SLC35D1: variants seen among roughly 807,000 people sequenced by gnomAD.
The protein encoded by SLC35D1 is nucleotide sugar transporter SLC35D1.
Under a neutral mutation model 46.7 loss-of-function variants are expected in SLC35D1, and 31 were observed. The ratio of observed to expected loss-of-function variants is 0.66; its 90% CI spans 0.50 to 0.90. SLC35D1 has a LOEUF of 0.90. Among genes scored for constraint, SLC35D1 ranks in the 40% least tolerant of loss-of-function variants. The pLI is 0.00. For synonymous variants in SLC35D1, 195 were observed against 164.6 expected (o/e 1.18, Z -1.41); for missense variants, 397 against 426.2 (o/e 0.93, Z 0.60).
intron 10 of SLC35D1, among the ~76,000 whole-genome samples, chr1:67,013,157 G>GATAGATATATATATATATATATAT (rs1553264879): frequency 3.4e-5 from 1 of 29,834 alleles, no homozygotes; most frequent in African/African-American, 1.8e-4. Context: ...ATATCCTGGA[G>GATAGATATATATATATATATATAT]ATATATATAT....
At chr1:67,011,768 A>G (rs973063320) in intron 10 of SLC35D1, among the ~76,000 whole-genome samples, 2 of 152,166 alleles carry the variant, frequency 1.3e-5, no homozygotes, top group Non-Finnish European at 2.9e-5. Flanking sequence ...ATAGGAGTTC[A>G]GCCACCACAC....
At chr1:67,023,047 A>T (rs1667844576) in intron 8 of SLC35D1, among the ~76,000 whole-genome samples, 1 of 152,186 alleles carries the variant, frequency 6.6e-6, no homozygotes, top group Non-Finnish European at 1.5e-5. Context: ...ATTCTATCTT[A>T]TGGGTATACC....
intron 10 of SLC35D1, among the ~76,000 whole-genome samples, chr1:67,010,601 T>C (rs1287327495): frequency 6.6e-6 from 1 of 152,310 alleles, no homozygotes; most frequent in South Asian, 2.1e-4. Flanking sequence ...AGGTCCCAAA[T>C]ACTTGGGACC....
intron 8 of SLC35D1, among the ~76,000 whole-genome samples, chr1:67,029,564 C>T (rs1012726990): frequency 6.6e-6 from 1 of 152,198 alleles, no homozygotes; most frequent in Non-Finnish European, 1.5e-5. Flanking sequence ...GAGTTCCATG[C>T]ACTTAGAAGT....
chr1:67,050,451 G>A lies in SLC35D1; in HGVS notation c.446C>T (p.Ala149Val). The A allele has an allele frequency of 6.2e-7, 1 of 1,612,994 alleles. No individual in the cohort carries two copies. The highest frequency in any genetic ancestry group is 1.1e-5 in the South Asian group (1 of 90,998). ...RRFSILFTMF[A>V]EGVLLKKTFS... The stretch of plus-strand genomic sequence containing the variant: ...AGCTCACTTGAGTAAAACTCCTTCA[G>A]CAAACATTGTAAACAGGATGGAGAA... Residue 149 changes from alanine to valine, a missense_variant, in exon 5 of 12, where the codon GCT (alanine) becomes GTT (valine). Transcript: ENST00000235345.
chr1:67,036,549 A>G (rs1489756348), intron 8 of SLC35D1, among the ~76,000 whole-genome samples: 7 of 151,914 alleles, frequency 4.6e-5, no homozygotes, highest in Admixed American at 1.3e-4. Flanking sequence ...TGTGTCTTAC[A>G]GTTTTTATCT....
At chr1:67,008,497 G>T (rs1326306950) in intron 11 of SLC35D1, 1 of 1,278,842 alleles carries the variant, frequency 7.8e-7, no homozygotes, top group Admixed American at 2.3e-5. Context: ...TGAGACAGGG[G>T]CCTTGTTAGA....
rs1424885087 is a variant in SLC35D1 at position 67,000,278 on chromosome 1, CCTT to C, written c.*4059_*4061del. On this transcript the variant is annotated 3_prime_UTR_variant, in exon 12 of 12. Transcript: ENST00000235345. ...CAGCCTGGCTGGCGACAGAGCAAGA[CCTT>C]CTTTCTTTTTTTTTTTTTTTTTTAA... The C allele has an allele frequency of 1.3e-5, 2 of 149,340 alleles. No homozygotes were observed. The highest frequency in any genetic ancestry group is 3.0e-5 in the Non-Finnish European group (2 of 67,470). The allele number at this position is 149,340 out of a possible 1,614,324, so 9.3% of individuals were successfully genotyped here. A position where few individuals can be genotyped will look rare whatever the true frequency, so the allele number is the denominator to read the frequency against.
the SLC35D1 span, chr1:66,986,608 C>G: frequency 1.4e-6 from 1 of 695,720 alleles, no homozygotes; most frequent in Non-Finnish European, 2.4e-6. Flanking sequence ...CTTCCCTTCA[C>G]CAATGTGAAC....
intron 8 of SLC35D1, among the ~76,000 whole-genome samples, chr1:67,038,110 G>C (rs570169478): frequency 6.6e-6 from 1 of 152,218 alleles, no homozygotes; most frequent in African/African-American, 2.4e-5. Flanking sequence ...CATAACTAAA[G>C]AATAATTGAT....
At chr1:66,993,857 C>A in the SLC35D1 span, among the ~76,000 whole-genome samples, 3 of 152,156 alleles carry the variant, frequency 2.0e-5, no homozygotes, top group African/African-American at 7.2e-5. Context: ...TTTCTTGCTA[C>A]ACTTCAAATA....
chr1:67,028,081 T>A (rs913429643), intron 8 of SLC35D1, among the ~76,000 whole-genome samples: 2 of 135,960 alleles, frequency 1.5e-5, no homozygotes, highest in Non-Finnish European at 3.0e-5. Flanking sequence ...CTGATTTTCT[T>A]TGTGATTTTT....
intron 8 of SLC35D1, among the ~76,000 whole-genome samples, chr1:67,041,705 C>T (rs1320969948): frequency 1.3e-5 from 2 of 152,010 alleles, no homozygotes; most frequent in African/African-American, 2.4e-5. Flanking sequence ...TAGACATTTG[C>T]AGAAAATTGG....
At chr1:66,973,159 C>T in the SLC35D1 span, among the ~76,000 whole-genome samples, 1 of 151,984 alleles carries the variant, frequency 6.6e-6, no homozygotes, top group Non-Finnish European at 1.5e-5. Flanking sequence ...ACTTCCTAAC[C>T]TATAATTACC....
chr1:67,052,271 G>T (rs1433842212), intron 3 of SLC35D1, among the ~76,000 whole-genome samples, 192 bp from the exon 4 acceptor site: 1 of 152,058 alleles, frequency 6.6e-6, no homozygotes, highest in Non-Finnish European at 1.5e-5. Context: ...CATTACTATA[G>T]CAGAAAGAAA....
In SLC35D1 at chr1:67,003,699, A is replaced by C. The variant is rs531611398; in HGVS notation, c.*641T>G. ...CTTTCTCACCCCCTTCATTATCCCC[A>C]TTCTACACAACAAAAAAAGAACATG... On this transcript the variant is annotated 3_prime_UTR_variant, in exon 12 of 12. Coordinates refer to ENST00000235345, the MANE Select transcript of SLC35D1 (RefSeq NM_015139.3). 1 of 153,986 alleles carries C rather than the reference A, an allele frequency of 6.5e-6. No homozygotes were observed. Among genetic ancestry groups the C allele is most frequent in the South Asian group, 2.0e-4 (1 of 4,938 alleles). 9.5% of individuals were successfully genotyped at this position (153,986 alleles called of 1,614,324 possible). A position where few individuals can be genotyped will look rare whatever the true frequency, so the allele number is the denominator to read the frequency against.
the SLC35D1 span, among the ~76,000 whole-genome samples, chr1:66,976,269 T>C: frequency 6.6e-6 from 1 of 152,238 alleles, no homozygotes; most frequent in Admixed American, 6.5e-5. Flanking sequence ...CCCAAAGTGC[T>C]GGGATTACAG....
In SLC35D1 at chr1:67,011,466, T is replaced by C. The variant is rs138629238; in HGVS notation, c.877-2299A>G. Among the ~76,000 whole-genome samples, 1,185 of 152,110 alleles carry C rather than the reference T, an allele frequency of 7.8e-3. 8 individuals carry two copies. Among genetic ancestry groups the C allele is most frequent in the Non-Finnish European group, 0.011 (780 of 67,956 alleles). On this transcript the variant is annotated intron_variant, in intron 10 of 11. Transcript: ENST00000235345. ...AAGTGGATGGTAAAAAAACAATCAG[T>C]TCCTTTTTCCTCTCCAAAATCTTTT...
the SLC35D1 span, among the ~76,000 whole-genome samples, chr1:66,979,199 AC>A: frequency 2.0e-5 from 3 of 152,304 alleles, no homozygotes; most frequent in South Asian, 4.1e-4. Context: ...CAGTGACCAA[AC>A]TACATTTCTT....
Sources: gnomAD v4.1 joint callset for allele counts (sites outside exome capture counted in the v4.1 genomes callset) on GRCh38, gnomAD v4.1.1 for gene constraint, MANE v1.5 for transcripts, NCBI Gene and HGNC (gene_info 2026-07-23, HGNC 2026-07-21) for gene names.